Variants in ANKH observed in about 807,000 individuals in gnomAD.
ANKH encodes mineralization regulator ANKH.
A neutral mutation model predicts 49.0 loss-of-function variants in ANKH; 15 were observed. The observed-to-expected ratio is 0.31, with a 90% CI of 0.20 to 0.47. The LOEUF is 0.47. Ranked by LOEUF, ANKH falls within the 20% of genes least tolerant of loss-of-function variation. The pLI is 1.00. For missense variants in ANKH, 429 were observed against 652.0 expected (o/e 0.66, Z 3.72); for synonymous variants, 273 against 260.0 (o/e 1.05, Z -0.48).
chr5:14,785,231 T>A (rs943319430), intron 1 of ANKH, among the ~76,000 whole-genome samples: 1 of 152,028 alleles, frequency 6.6e-6, no homozygotes, highest in African/African-American at 2.4e-5. Flanking sequence ...GGTGATATGG[T>A]TTGGATGTTT....
rs188178099 is a variant in ANKH at position 14,727,244 on chromosome 5, T to C, written c.1012-10409A>G. 1.8e-3 allele frequency among the ~76,000 whole-genome samples: 277 copies of C among 152,278 alleles called. 4 individuals are homozygous for C. Among genetic ancestry groups the C allele is most frequent in the Admixed American group, 0.015 (232 of 15,290 alleles). On this transcript the variant is annotated intron_variant, in intron 8 of 11. Transcript: ENST00000284268. ...TGATACCTTCCATCTGGCTTGTTGA[T>C]AATCATAATAATTATTATAAATCTT...
At position 14,865,256 on chromosome 5, in the gene ANKH, G is replaced by A. The variant is rs188127458; in HGVS notation, c.96+6096C>T. On this transcript the variant is annotated intron_variant, in intron 1 of 11. Coordinates refer to ENST00000284268, the MANE Select transcript of ANKH (RefSeq NM_054027.6). ...GCCTGGGCAACAAGAACAAAACTCC[G>A]TCTCAAAAAATAATAATAATGATAA... 2.1e-4 allele frequency among the ~76,000 whole-genome samples: 32 copies of A among 151,938 alleles called. 2 individuals are homozygous for A. Among genetic ancestry groups the A allele is most frequent in the Admixed American group, 1.5e-3 (23 of 15,266 alleles).
At chr5:14,853,225 G>A (rs1366851930) in intron 1 of ANKH, among the ~76,000 whole-genome samples, 1 of 152,184 alleles carries the variant, frequency 6.6e-6, no homozygotes, top group South Asian at 2.1e-4. Flanking sequence ...TATTTTAAGA[G>A]TATAGTTGTC....
In ANKH at chr5:14,790,252, C is replaced by T. The variant is rs144586491; in HGVS notation, c.97-21061G>A. Among the ~76,000 whole-genome samples the T allele has an allele frequency of 2.1e-3, 320 of 152,316 alleles. 1 individual carries two copies. The highest frequency in any genetic ancestry group is 7.1e-3 in the African/African-American group (296 of 41,568). On this transcript the variant is annotated intron_variant, in intron 1 of 11. Coordinates refer to ENST00000284268, the MANE Select transcript of ANKH (RefSeq NM_054027.6). ...AAAAGTACACTAAACAGATAAAACA[C>T]GACATAAACTACTATATCACCTAAT...
In ANKH at chr5:14,725,431, AC is replaced by A. The variant is rs1388080759; in HGVS notation, c.1012-8597del. On this transcript the variant is annotated intron_variant, in intron 8 of 11. Coordinates refer to ENST00000284268, the MANE Select transcript of ANKH (RefSeq NM_054027.6). This position sits in a 1 kb window ranked among gnomAD's most constrained non-coding sequence, Gnocchi z 4.0. The stretch of plus-strand genomic sequence containing the variant: ...CAACGCCAGCTGAACTGGACATCAT[AC>A]CTGGTGACCAAGTTGATTCACATTC... 6.6e-6 allele frequency among the ~76,000 whole-genome samples: 1 copy of A among 152,236 alleles called. No individual in the cohort carries two copies. Among genetic ancestry groups the A allele is most frequent in the Non-Finnish European group, 1.5e-5 (1 of 68,034 alleles).
At chr5:14,864,786 A>G (rs537853319) in intron 1 of ANKH, among the ~76,000 whole-genome samples, 2 of 152,366 alleles carry the variant, frequency 1.3e-5, no homozygotes, top group Admixed American at 1.3e-4. Context: ...ATTATGCTGC[A>G]ATTTAAAATC....
chr5:14,722,717 C>G (rs1469289846), intron 8 of ANKH, among the ~76,000 whole-genome samples: 1 of 152,184 alleles, frequency 6.6e-6, no homozygotes, highest in Non-Finnish European at 1.5e-5. Context: ...GACAAATGTC[C>G]TGCACAGAAC....
intron 1 of ANKH, among the ~76,000 whole-genome samples, chr5:14,773,307 A>C (rs925872981): frequency 7.8e-4 from 119 of 151,890 alleles, no homozygotes; most frequent in African/African-American, 2.6e-3. Flanking sequence ...AGGGCACCTA[A>C]ATAATGGAGG....
chr5:14,828,531 A>C (rs763301120), intron 1 of ANKH, among the ~76,000 whole-genome samples: 10 of 152,050 alleles, frequency 6.6e-5, no homozygotes, highest in Admixed American at 2.6e-4. Flanking sequence ...TCAAAAACAA[A>C]CAAAAAAACA....
At chr5:14,724,645 A>C (rs1737769300) in intron 8 of ANKH, 5 of 915,934 alleles carry the variant, frequency 5.5e-6, no homozygotes, top group Non-Finnish European at 6.5e-6. Flanking sequence ...CCTCACTTGC[A>C]GAGTGGGCCA....
At chr5:14,818,297 TCTC>T (rs1202641098) in intron 1 of ANKH, among the ~76,000 whole-genome samples, 2 of 151,936 alleles carry the variant, frequency 1.3e-5, no homozygotes, top group Admixed American at 1.3e-4. Context: ...TACCCTCCCT[TCTC>T]CTCCTCTCCC....
chr5:14,767,471 C>T (rs957002819), intron 2 of ANKH, among the ~76,000 whole-genome samples: 1 of 152,152 alleles, frequency 6.6e-6, no homozygotes, highest in African/African-American at 2.4e-5. Context: ...ATATGAGATA[C>T]AGAAAACCAT....
intron 4 of ANKH, among the ~76,000 whole-genome samples, chr5:14,753,940 G>C (rs939722165): frequency 6.6e-6 from 1 of 152,162 alleles, no homozygotes; most frequent in Non-Finnish European, 1.5e-5. Context: ...ACTTTGCATG[G>C]AATCCATTTG....
chr5:14,858,252 C>T (rs1224295107), intron 1 of ANKH, among the ~76,000 whole-genome samples: 1 of 152,064 alleles, frequency 6.6e-6, no homozygotes, highest in Non-Finnish European at 1.5e-5. Context: ...TCTTTTATCC[C>T]TCACCCGCCT....
chr5:14,735,465 C>T (rs977813077), intron 8 of ANKH, among the ~76,000 whole-genome samples: 3 of 152,134 alleles, frequency 2.0e-5, no homozygotes, highest in Non-Finnish European at 4.4e-5. Context: ...CCTTAAGTGA[C>T]GAGAAGATTC....
At chr5:14,809,347 A>G (rs1183761210) in intron 1 of ANKH, among the ~76,000 whole-genome samples, 11 of 148,220 alleles carry the variant, frequency 7.4e-5, no homozygotes, top group Non-Finnish European at 1.5e-4. Flanking sequence ...AAAAAAAAAA[A>G]AAAAAAAAAA....
chr5:14,735,178 G>C (rs529281142), intron 8 of ANKH, among the ~76,000 whole-genome samples: 1 of 152,268 alleles, frequency 6.6e-6, no homozygotes, highest in Admixed American at 6.5e-5. Context: ...AAGCATGTAA[G>C]TACTGGCACA....
intron 1 of ANKH, among the ~76,000 whole-genome samples, chr5:14,839,663 C>T (rs1314275911): frequency 6.6e-6 from 1 of 152,146 alleles, no homozygotes; most frequent in African/African-American, 2.4e-5. Flanking sequence ...AAGCTCAAGC[C>T]GTCAACTTTG....
intron 1 of ANKH, among the ~76,000 whole-genome samples, chr5:14,776,261 G>A (rs1739618494): frequency 6.6e-6 from 1 of 152,182 alleles, no homozygotes; most frequent in African/African-American, 2.4e-5. Context: ...AAAAGCAAGA[G>A]CGCCATTGGC....
Sources: gnomAD v4.1 joint callset for allele counts (sites outside exome capture counted in the v4.1 genomes callset) on GRCh38, gnomAD v4.1.1 for gene constraint, Gnocchi (gnomAD v3.1) non-coding constraint, MANE v1.5 for transcripts, NCBI Gene and HGNC (gene_info 2026-07-23, HGNC 2026-07-21) for gene names.